SORCS2: variants seen among roughly 807,000 people sequenced by gnomAD.
The protein encoded by SORCS2 is sortilin related VPS10 domain containing receptor 2, also known as VPS10 domain-containing receptor SorCS2.
Under a neutral mutation model 141.6 loss-of-function variants are expected in SORCS2, and 100 were observed. The observed-to-expected ratio is 0.71, with a 90% CI of 0.60 to 0.83. The LOEUF (loss-of-function observed/expected upper bound fraction) is 0.83, where lower values mean the gene tolerates loss of function less well. Ranked by LOEUF, SORCS2 falls within the 40% of genes least tolerant of loss-of-function variation. The pLI is 0.00. For synonymous variants in SORCS2, 789 were observed against 676.9 expected (o/e 1.17, Z -2.57); for missense variants, 1,646 against 1,560.2 (o/e 1.05, Z -0.93).
intron 17 of SORCS2, among the ~76,000 whole-genome samples, chr4:7,717,168 C>G (rs1296466165): frequency 6.6e-6 from 1 of 152,170 alleles, no homozygotes; most frequent in Non-Finnish European, 1.5e-5. Flanking sequence ...TCTCCAGCCT[C>G]GTGCCACACC....
intron 1 of SORCS2, among the ~76,000 whole-genome samples, chr4:7,234,943 G>C (rs1196074949): frequency 6.6e-6 from 1 of 152,258 alleles, no homozygotes. Context: ...ACAGGGGCTA[G>C]GCTGGGCCTG....
intron 2 of SORCS2, among the ~76,000 whole-genome samples, chr4:7,424,954 G>A (rs1201119936): frequency 1.3e-5 from 2 of 152,336 alleles, no homozygotes; most frequent in East Asian, 1.9e-4. Context: ...GCTGTGCCCC[G>A]GAGGGCCGCG....
At chr4:7,256,245 G>A (rs1273773803) in intron 1 of SORCS2, among the ~76,000 whole-genome samples, 1 of 152,198 alleles carries the variant, frequency 6.6e-6, no homozygotes. Context: ...AGAGGGGACA[G>A]CACTTCTTTG....
At chr4:7,591,834 T>C (rs1716936137) in intron 3 of SORCS2, among the ~76,000 whole-genome samples, 1 of 152,176 alleles carries the variant, frequency 6.6e-6, no homozygotes, top group Admixed American at 6.5e-5. Flanking sequence ...ATGGGTTTCC[T>C]TGAGTCCCGC....
chr4:7,552,909 G>C (rs958313950), intron 3 of SORCS2, among the ~76,000 whole-genome samples: 1 of 152,200 alleles, frequency 6.6e-6, no homozygotes, highest in African/African-American at 2.4e-5. Flanking sequence ...TGGATGGAAG[G>C]TTAGAAAAAT....
At chr4:7,441,598 C>A (rs1372406332) in intron 2 of SORCS2, among the ~76,000 whole-genome samples, 1 of 151,880 alleles carries the variant, frequency 6.6e-6, no homozygotes, top group Non-Finnish European at 1.5e-5. Flanking sequence ...TGGGAGCTAC[C>A]CAGCCCAGAT....
chr4:7,650,150 A>G, intron 4 of SORCS2, among the ~76,000 whole-genome samples: 1 of 152,258 alleles, frequency 6.6e-6, no homozygotes, highest in East Asian at 1.9e-4. Flanking sequence ...TTCAAACCAC[A>G]GATAATTCAA....
chr4:7,337,372 C>T (rs6825136), intron 1 of SORCS2, among the ~76,000 whole-genome samples: 2,275 of 152,228 alleles, frequency 0.015, 84 homozygotes, highest in East Asian at 0.13. Context: ...CAGGAGTGGT[C>T]AGGCTTCATG....
chr4:7,274,464 A>G (rs1348355057), intron 1 of SORCS2, among the ~76,000 whole-genome samples: 3 of 152,176 alleles, frequency 2.0e-5, no homozygotes, highest in Non-Finnish European at 4.4e-5. Context: ...GGGAGGCCTC[A>G]GGAAACGTAC....
intron 1 of SORCS2, among the ~76,000 whole-genome samples, chr4:7,243,247 GA>G (rs1404071778): frequency 6.6e-6 from 1 of 152,198 alleles, no homozygotes; most frequent in African/African-American, 2.4e-5. Context: ...CTGGATTTAG[GA>G]GGTAGGTTTT....
chr4:7,657,101 G>A (rs187783502), intron 5 of SORCS2, among the ~76,000 whole-genome samples: 330 of 152,334 alleles, frequency 2.2e-3, no homozygotes, highest in Non-Finnish European at 3.3e-3. Context: ...ATGACTGAGG[G>A]GCCTGGAGCA....
intron 3 of SORCS2, among the ~76,000 whole-genome samples, chr4:7,614,919 C>A (rs986614557): frequency 2.0e-5 from 3 of 152,096 alleles, no homozygotes; most frequent in African/African-American, 7.2e-5. Context: ...ATCCATCCAC[C>A]TATTAATCCA....
intron 1 of SORCS2, among the ~76,000 whole-genome samples, chr4:7,350,516 G>A (rs1720878729): frequency 6.6e-6 from 1 of 152,194 alleles, no homozygotes; most frequent in Non-Finnish European, 1.5e-5. Flanking sequence ...AGCGTGGCTG[G>A]GCCTGCAGCT....
chr4:7,653,761 G>A (rs988791505), intron 4 of SORCS2, among the ~76,000 whole-genome samples: 2 of 152,152 alleles, frequency 1.3e-5, no homozygotes, highest in African/African-American at 2.4e-5. Context: ...TCTGCCATCC[G>A]TTCACTGCTC....
intron 4 of SORCS2, among the ~76,000 whole-genome samples, chr4:7,643,222 T>C (rs1720855978): frequency 6.6e-6 from 1 of 152,136 alleles, no homozygotes; most frequent in Admixed American, 6.5e-5. Flanking sequence ...GACAGCATAA[T>C]ATGCATTTCT....
At chr4:7,619,009 A>G (rs971913350) in intron 3 of SORCS2, among the ~76,000 whole-genome samples, 1 of 152,102 alleles carries the variant, frequency 6.6e-6, no homozygotes, top group African/African-American at 2.4e-5. Context: ...GTGAGAGTAG[A>G]TGCTTTTCTC....
At chr4:7,407,183 G>A (rs1725021406) in intron 2 of SORCS2, among the ~76,000 whole-genome samples, 1 of 152,000 alleles carries the variant, frequency 6.6e-6, no homozygotes, top group Admixed American at 6.6e-5. Context: ...TGCCAGTTAG[G>A]CCTATTAGGT....
At chr4:7,551,720 G>C (rs1713717606) in intron 3 of SORCS2, among the ~76,000 whole-genome samples, 1 of 152,192 alleles carries the variant, frequency 6.6e-6, no homozygotes, top group South Asian at 2.1e-4. Context: ...GCCTTCCCTG[G>C]CTCTCCATTC....
intron 14 of SORCS2, among the ~76,000 whole-genome samples, chr4:7,705,464 C>T (rs1363329493): frequency 6.6e-6 from 1 of 152,252 alleles, no homozygotes; most frequent in Non-Finnish European, 1.5e-5. Flanking sequence ...ACAGCTCTTC[C>T]ACCTCAAGGC....
Sources: gnomAD v4.1 joint callset for allele counts (sites outside exome capture counted in the v4.1 genomes callset) on GRCh38, gnomAD v4.1.1 for gene constraint, MANE v1.5 for transcripts, NCBI Gene and HGNC (gene_info 2026-07-23, HGNC 2026-07-21) for gene names.